The following MARK1 variants were observed in gnomAD, a reference collection of about 807,000 sequenced individuals.
The protein encoded by MARK1 is serine/threonine-protein kinase MARK1.
MARK1 carries 40 observed loss-of-function variants against 96.3 expected under a neutral mutation model. That is an observed-to-expected ratio of 0.42 (90% CI 0.32 to 0.54). The LOEUF is 0.54. MARK1 is among the 20% of genes least tolerant of loss of function. The probability of loss-of-function intolerance (pLI) is 0.16; values close to 1 mark genes in which losing one functional copy is unlikely to be tolerated. For synonymous variants in MARK1, 317 were observed against 341.2 expected, an observed-to-expected ratio of 0.93 and a Z score of 0.78; for missense variants, 719 against 984.6, an observed-to-expected ratio of 0.73 and a Z score of 3.61.
chr1:220,599,854 G>A lies in MARK1; in HGVS notation c.415G>A (p.Ala139Thr), dbSNP rs1169383600. 4 of 1,606,056 alleles carry A rather than the reference G, an allele frequency of 2.5e-6. No individual in the cohort carries two copies. Among genetic ancestry groups the A allele is most frequent in the Non-Finnish European group, 3.4e-6 (4 of 1,175,546 alleles). The change falls in exon 5 of 18, where the codon GCG (alanine) becomes ACG (threonine). Residue 139 changes from alanine to threonine, a missense_variant. Around this residue, in one of 4 missense-constraint regions of MARK1, gnomAD observed 96 missense variants for 213.1 expected, o/e 0.45. Coordinates refer to ENST00000366917, the MANE Select transcript of MARK1 (RefSeq NM_018650.5). ...GACTCTCTATTTAGTCATGGAATAC[G>A]CGAGTGGGGGTAAGAATGAGGGTGA... Reference protein sequence around the residue: ...EKTLYLVMEYASGGEVFDYLV... With the variant: ...EKTLYLVMEYTSGGEVFDYLV...
intron 3 of MARK1, among the ~76,000 whole-genome samples, chr1:220,595,854 T>C: frequency 6.6e-6 from 1 of 152,146 alleles, no homozygotes; most frequent in Non-Finnish European, 1.5e-5. Flanking sequence ...GGATTTGAGA[T>C]AAACTGTGGA....
chr1:220,606,411 G>C (rs1032810157), intron 6 of MARK1, among the ~76,000 whole-genome samples: 1 of 151,974 alleles, frequency 6.6e-6, no homozygotes, highest in Non-Finnish European at 1.5e-5. Context: ...TTCTTTGTAG[G>C]TTCTGGATAT....
chr1:220,589,253 T>G (rs536597798), intron 3 of MARK1, among the ~76,000 whole-genome samples: 1 of 152,284 alleles, frequency 6.6e-6, no homozygotes, highest in African/African-American at 2.4e-5. Flanking sequence ...ACACTTTGGG[T>G]GTAACTAGAA....
intron 4 of MARK1, among the ~76,000 whole-genome samples, chr1:220,599,419 G>T (rs1280769754): frequency 6.6e-6 from 1 of 152,062 alleles, no homozygotes; most frequent in Non-Finnish European, 1.5e-5. Context: ...TTTTGTTTCT[G>T]TACCAAAGAT....
chr1:220,532,241 T>G (rs1660366786), intron 1 of MARK1, among the ~76,000 whole-genome samples: 1 of 152,224 alleles, frequency 6.6e-6, no homozygotes, highest in African/African-American at 2.4e-5. Context: ...AATGATTACC[T>G]ATTGTAACTA....
At chr1:220,574,008 A>G (rs1663666634) in intron 1 of MARK1, among the ~76,000 whole-genome samples, 1 of 152,148 alleles carries the variant, frequency 6.6e-6, no homozygotes, top group African/African-American at 2.4e-5. Context: ...TATCTGCTTT[A>G]AAGTTCTTGC....
At chr1:220,583,583 A>G (rs1440775429) in intron 3 of MARK1, among the ~76,000 whole-genome samples, 3 of 151,784 alleles carry the variant, frequency 2.0e-5, no homozygotes, top group Middle Eastern at 3.2e-3. Flanking sequence ...TCTTCAAAGC[A>G]TTAGTTCTAC....
chr1:220,629,757 C>T (rs972984204), intron 9 of MARK1, among the ~76,000 whole-genome samples: 2 of 152,170 alleles, frequency 1.3e-5, no homozygotes, highest in African/African-American at 4.8e-5. Flanking sequence ...CCTCAAGGTT[C>T]ATCCATGTTG....
intron 5 of MARK1, among the ~76,000 whole-genome samples, chr1:220,600,145 A>G (rs556014016): frequency 6.6e-6 from 1 of 152,270 alleles, no homozygotes; most frequent in African/African-American, 2.4e-5. Context: ...TCTCTTATCT[A>G]AATTTTACTA....
intron 1 of MARK1, among the ~76,000 whole-genome samples, chr1:220,552,313 T>G (rs1661919900): frequency 1.3e-5 from 2 of 152,174 alleles, no homozygotes. Context: ...AGGATAATAG[T>G]GAGAACAGCT....
chr1:220,585,871 T>G (rs1458101319), intron 3 of MARK1, among the ~76,000 whole-genome samples: 1 of 152,174 alleles, frequency 6.6e-6, no homozygotes, highest in Non-Finnish European at 1.5e-5. Context: ...TGATTTTATT[T>G]CTTGTATCTC....
intron 6 of MARK1, among the ~76,000 whole-genome samples, chr1:220,613,925 ACCT>A (rs1014801853): frequency 7.4e-5 from 11 of 149,658 alleles, no homozygotes; most frequent in Admixed American, 5.3e-4. Context: ...CCATTTTTCC[ACCT>A]CCTTTTCTTT....
intron 3 of MARK1, among the ~76,000 whole-genome samples, chr1:220,591,124 G>A (rs997129157): frequency 6.6e-6 from 1 of 152,034 alleles, no homozygotes; most frequent in African/African-American, 2.4e-5. Flanking sequence ...TTTGTAGAAC[G>A]GAATAACTGC....
At chr1:220,560,727 C>G (rs1199534517) in intron 1 of MARK1, among the ~76,000 whole-genome samples, 3 of 152,098 alleles carry the variant, frequency 2.0e-5, no homozygotes, top group Non-Finnish European at 4.4e-5. Context: ...GAATGATGCA[C>G]AATTTAAAAT....
At chr1:220,563,021 A>C (rs999591939) in intron 1 of MARK1, among the ~76,000 whole-genome samples, 4 of 152,214 alleles carry the variant, frequency 2.6e-5, no homozygotes, top group African/African-American at 9.6e-5. Context: ...TAGCTTGGCC[A>C]GTAGCAGGTG....
In MARK1 at chr1:220,635,922, G is replaced by C; in HGVS notation, c.1366G>C (p.Asp456His). 6.2e-7 allele frequency: 1 copy of C among 1,614,100 alleles called. No individual in the cohort carries two copies. Among genetic ancestry groups the C allele is most frequent in the Non-Finnish European group, 8.5e-7 (1 of 1,179,994 alleles). Reference sequence around the variant, plus strand: ...TGAACAGAAAGAGGAGTGGGACAAAGATGTGGCTCGAAAACTTGGCAGCAC... The same window carrying C: ...TGAACAGAAAGAGGAGTGGGACAAACATGTGGCTCGAAAACTTGGCAGCAC... Reference protein sequence around the residue: ...ESEQKEEWDKDVARKLGSTTV... With the variant: ...ESEQKEEWDKHVARKLGSTTV... Residue 456 changes from aspartate to histidine, a missense_variant, in exon 13 of 18, where the codon GAT (aspartate) becomes CAT (histidine). Asp to His is a moderately conservative substitution (Grantham distance 81, BLOSUM62 -1). Coordinates refer to ENST00000366917, the MANE Select transcript of MARK1 (RefSeq NM_018650.5).
intron 6 of MARK1, among the ~76,000 whole-genome samples, chr1:220,613,701 G>C (rs1361735983): frequency 6.6e-6 from 1 of 151,650 alleles, no homozygotes. Flanking sequence ...GTGAAAATTG[G>C]GTATTAGAAT....
chr1:220,566,397 A>G (rs80311651), intron 1 of MARK1, among the ~76,000 whole-genome samples: 2,361 of 152,304 alleles, frequency 0.016, 34 homozygotes, highest in Middle Eastern at 0.044. Flanking sequence ...CCATTTCACC[A>G]TACATCTATC....
At chr1:220,621,553 G>A (rs1343907683) in intron 9 of MARK1, among the ~76,000 whole-genome samples, 1 of 151,884 alleles carries the variant, frequency 6.6e-6, no homozygotes, top group Non-Finnish European at 1.5e-5. Context: ...AATAGTTTGT[G>A]CTTCTTCATG....
Sources: gnomAD v4.1 joint callset for allele counts (sites outside exome capture counted in the v4.1 genomes callset) on GRCh38, gnomAD v4.1.1 for gene constraint, gnomAD v4.1.1 regional missense constraint, MANE v1.5 for transcripts, NCBI Gene and HGNC (gene_info 2026-07-23, HGNC 2026-07-21) for gene names.